Variants in BMPR2 observed in about 807,000 individuals in gnomAD.
The protein encoded by BMPR2 is bone morphogenetic protein receptor type 2, also known as bone morphogenetic protein receptor type-2.
Under a neutral mutation model 100.8 loss-of-function variants are expected in BMPR2, and 29 were observed. The observed-to-expected ratio is 0.29, with a 90% CI of 0.21 to 0.39. BMPR2 has a LOEUF of 0.39. Ranked by LOEUF, BMPR2 falls within the 10% of genes least tolerant of loss-of-function variation. The pLI is 1.00. For synonymous variants in BMPR2, 382 were observed against 442.3 expected (o/e 0.86, Z 1.71); for missense variants, 1,011 against 1,274.5 (o/e 0.79, Z 3.15).
At chr2:202,491,404 C>G (rs189231168) in intron 3 of BMPR2, among the ~76,000 whole-genome samples, 30 of 152,024 alleles carry the variant, frequency 2.0e-4, no homozygotes, top group African/African-American at 6.7e-4. Context: ...CTGTTCCTTC[C>G]CTAAGTACGT....
At chr2:202,505,918 G>A (rs1374356080) in intron 3 of BMPR2, among the ~76,000 whole-genome samples, 1 of 152,060 alleles carries the variant, frequency 6.6e-6, no homozygotes, top group Non-Finnish European at 1.5e-5. Flanking sequence ...ATCACTGTTC[G>A]TCATGGTTGC....
rs188628172 is a variant in BMPR2 at position 202,465,489 on chromosome 2, A to G, written c.247+510A>G. On this transcript the variant is annotated intron_variant, in intron 2 of 12. Coordinates refer to ENST00000374580, the MANE Select transcript of BMPR2 (RefSeq NM_001204.7). ...AAACATCTTTCTTATAATGTTATAC[A>G]TGCCCGTTCTATGAATTTTGGAATA... is the stretch of plus-strand genomic sequence containing the variant. Among the ~76,000 whole-genome samples, 482 of 152,346 alleles carry G rather than the reference A, an allele frequency of 3.2e-3. 2 individuals are homozygous for G. The highest frequency in any genetic ancestry group is 0.011 in the African/African-American group (464 of 41,580).
Position 202,564,755 on chromosome 2 carries a change from C to G in BMPR2, c.*4809C>G, listed in dbSNP as rs528191223. On this transcript the variant is annotated 3_prime_UTR_variant, in exon 13 of 13. Coordinates refer to ENST00000374580, the MANE Select transcript of BMPR2 (RefSeq NM_001204.7). ...CCTTCCCATTACTTTCCTTAAATCA[C>G]CTCATAGTTAGGCTGGGCGCGGTGG... 6.6e-6 allele frequency: 1 copy of G among 152,306 alleles called. No homozygotes were observed. Among genetic ancestry groups the G allele is most frequent in the South Asian group, 2.1e-4 (1 of 4,818 alleles). The allele number at this position is 152,306 out of a possible 1,614,324, so 9.4% of individuals were successfully genotyped here.
At chr2:202,527,232 A>T (rs1687930645) in intron 7 of BMPR2, among the ~76,000 whole-genome samples, 1 of 152,202 alleles carries the variant, frequency 6.6e-6, no homozygotes, top group Non-Finnish European at 1.5e-5. Flanking sequence ...TCAAGGCTGT[A>T]ATCCCAGCAC....
chr2:202,412,589 G>C (rs575373970), intron 1 of BMPR2, among the ~76,000 whole-genome samples: 1 of 152,144 alleles, frequency 6.6e-6, no homozygotes, highest in African/African-American at 2.4e-5. Context: ...AAAGTGCTGG[G>C]ATTACAGGCG....
At position 202,556,704 on chromosome 2, in the gene BMPR2, T is replaced by G. The variant is rs1292232172; in HGVS notation, c.2866+173T>G. On this transcript the variant is annotated intron_variant, in intron 12 of 12. Transcript: ENST00000374580. ...GCTCACACCTGTAATCCTAGCACTTTGGGAGGCCAAGGGAGGTGGATCACC... is the reference window on the plus strand; with the variant it reads ...GCTCACACCTGTAATCCTAGCACTTGGGGAGGCCAAGGGAGGTGGATCACC... Among the ~76,000 whole-genome samples, 3 of 152,178 alleles carry G rather than the reference T, an allele frequency of 2.0e-5. No individual in the cohort carries two copies. The East Asian group carries it at 5.8e-4, about 29-fold the overall frequency.
intron 1 of BMPR2, among the ~76,000 whole-genome samples, chr2:202,447,233 T>C (rs916968939): frequency 2.7e-5 from 4 of 150,088 alleles, no homozygotes; most frequent in African/African-American, 1.0e-4. Flanking sequence ...CACTTGAACC[T>C]GGGAGGTGGA....
chr2:202,495,549 G>T lies in BMPR2; in HGVS notation c.419-18170G>T, dbSNP rs1158677195. On this transcript the variant is annotated intron_variant, in intron 3 of 12. Coordinates refer to ENST00000374580, the MANE Select transcript of BMPR2 (RefSeq NM_001204.7). The surrounding 1 kb of genome is among the most constrained non-coding windows in gnomAD (Gnocchi z 4.5). ...TCGGGTTTTTATAGGCCCAGGATGG[G>T]GACATGGCGGGTCCGGGTGGTCTTG... is the stretch of plus-strand genomic sequence containing the variant. 2.0e-5 allele frequency among the ~76,000 whole-genome samples: 3 copies of T among 152,104 alleles called. No individual in the cohort carries two copies.
intron 7 of BMPR2, 195 bp downstream of exon 7, chr2:202,520,396 G>A: frequency 1.7e-6 from 1 of 604,954 alleles, no homozygotes; most frequent in Non-Finnish European, 2.9e-6. Flanking sequence ...TGCCAAGATG[G>A]CAGAGGGGCA....
intron 3 of BMPR2, among the ~76,000 whole-genome samples, chr2:202,501,802 C>A (rs547255526): frequency 2.6e-5 from 4 of 152,216 alleles, no homozygotes; most frequent in Admixed American, 1.3e-4. Flanking sequence ...TGCGCATATG[C>A]GTGGCCCTCA....
rs762330274 is a variant in BMPR2 at position 202,464,915 on chromosome 2, G to A, written c.183G>A (p.Ser61=). The change falls in exon 2 of 13, where the codon TCG becomes TCA. Residue 61 remains serine (S), a synonymous_variant. Coordinates refer to ENST00000374580, the MANE Select transcript of BMPR2 (RefSeq NM_001204.7). ...ATGAAAATGGGACAATATTATGCTC[G>A]AAAGGTAGCACCTGCTATGGCCTTT... ...ISHENGTILC[S]KGSTCYGLWE... 4 of 1,614,056 alleles carry A rather than the reference G, an allele frequency of 2.5e-6. No individual in the cohort carries two copies. The highest frequency in any genetic ancestry group is 2.5e-6 in the Non-Finnish European group (3 of 1,180,016).
At chr2:202,465,478 T>C (rs1372715963) in intron 2 of BMPR2, among the ~76,000 whole-genome samples, 2 of 152,236 alleles carry the variant, frequency 1.3e-5, no homozygotes, top group East Asian at 3.8e-4. Context: ...ATCTTTCTTA[T>C]AATGTTATAC....
intron 1 of BMPR2, among the ~76,000 whole-genome samples, chr2:202,455,513 T>C (rs536006795): frequency 6.6e-6 from 1 of 152,380 alleles, no homozygotes; most frequent in East Asian, 1.9e-4. Flanking sequence ...AAGTCTGTCA[T>C]GATAGCTATT....
chr2:202,498,750 G>C (rs1452457683), intron 3 of BMPR2, among the ~76,000 whole-genome samples: 1 of 151,988 alleles, frequency 6.6e-6, no homozygotes, highest in Non-Finnish European at 1.5e-5. Context: ...ACTACGGCTT[G>C]GCCCCAATAT....
chr2:202,519,549 T>C (rs971431795), intron 6 of BMPR2, among the ~76,000 whole-genome samples: 2 of 152,138 alleles, frequency 1.3e-5, no homozygotes, highest in Non-Finnish European at 1.5e-5. Context: ...GTCTCCTCCT[T>C]CTTTCTGTTT....
At chr2:202,405,918 A>G (rs1690881778) in intron 1 of BMPR2, among the ~76,000 whole-genome samples, 1 of 152,120 alleles carries the variant, frequency 6.6e-6, no homozygotes, top group Non-Finnish European at 1.5e-5. Context: ...AAATATAAGA[A>G]TATTTACCTC....
chr2:202,483,854 G>A (rs1692712811), intron 3 of BMPR2, among the ~76,000 whole-genome samples: 1 of 152,236 alleles, frequency 6.6e-6, no homozygotes. Flanking sequence ...TACTTCAGGA[G>A]GCTGAGGTGG....
chr2:202,381,247 A>G (rs1486814657), intron 1 of BMPR2, among the ~76,000 whole-genome samples: 1 of 152,154 alleles, frequency 6.6e-6, no homozygotes, highest in Non-Finnish European at 1.5e-5. Context: ...TGCTGGGATT[A>G]TAGGCATGAG....
rs1240859521 is a variant in BMPR2, at chr2:202,560,005, T to A, written c.*59T>A. On this transcript the variant is annotated 3_prime_UTR_variant, in exon 13 of 13. Transcript: ENST00000374580. ...TTGCATCATTTAAACATGCAGAAGATGTTTAAAAATAAAAAAAAAACTGCT... is the reference window on the plus strand; with the variant it reads ...TTGCATCATTTAAACATGCAGAAGAAGTTTAAAAATAAAAAAAAAACTGCT... 1 of 1,604,912 alleles carries A rather than the reference T, an allele frequency of 6.2e-7. No individual in the cohort carries two copies. The highest frequency in any genetic ancestry group is 8.5e-7 in the Non-Finnish European group (1 of 1,177,052).
Sources: gnomAD v4.1 joint callset for allele counts (sites outside exome capture counted in the v4.1 genomes callset) on GRCh38, gnomAD v4.1.1 for gene constraint, Gnocchi (gnomAD v3.1) non-coding constraint, MANE v1.5 for transcripts, NCBI Gene and HGNC (gene_info 2026-07-23, HGNC 2026-07-21) for gene names.